The following GLRA3 variants were observed in gnomAD, a reference collection of about 807,000 sequenced individuals.
The protein encoded by GLRA3 is glycine receptor alpha 3, also known as glycine receptor subunit alpha-3.
GLRA3 carries 44 observed loss-of-function variants against 60.4 expected under a neutral mutation model. The observed-to-expected ratio is 0.73, with a 90% CI of 0.57 to 0.94. The LOEUF (loss-of-function observed/expected upper bound fraction) is 0.94, where lower values mean the gene tolerates loss of function less well. GLRA3 is among the 40% of genes least tolerant of loss of function. The pLI is 0.00. For synonymous variants in GLRA3, 223 were observed against 192.9 expected, an observed-to-expected ratio of 1.16 and a Z score of -1.29; for missense variants, 508 against 564.6, an observed-to-expected ratio of 0.90 and a Z score of 1.02.
At chr4:174,807,925 A>T (rs981926263) in intron 1 of GLRA3, among the ~76,000 whole-genome samples, 1 of 152,138 alleles carries the variant, frequency 6.6e-6, no homozygotes, top group Non-Finnish European at 1.5e-5. Context: ...CAAGAAATAG[A>T]CCAAGAATCC....
chr4:174,711,222 G>C (rs1735706876), intron 5 of GLRA3, among the ~76,000 whole-genome samples: 2 of 151,434 alleles, frequency 1.3e-5, no homozygotes, highest in Non-Finnish European at 2.9e-5. Flanking sequence ...TTCCTTGGTG[G>C]TGTATAACAT....
chr4:174,724,350 G>A (rs1052397089), intron 4 of GLRA3, among the ~76,000 whole-genome samples: 3 of 151,904 alleles, frequency 2.0e-5, no homozygotes, highest in African/African-American at 7.2e-5. Context: ...GGATAAATGA[G>A]TTTCATATTT....
At chr4:174,716,017 T>A (rs1319267110) in intron 4 of GLRA3, among the ~76,000 whole-genome samples, 1 of 152,214 alleles carries the variant, frequency 6.6e-6, no homozygotes, top group Admixed American at 6.5e-5. Flanking sequence ...AAAAGGTATC[T>A]TTCCTTGCAA....
chr4:174,667,903 C>T (rs1422215473), intron 7 of GLRA3, among the ~76,000 whole-genome samples: 1 of 151,822 alleles, frequency 6.6e-6, no homozygotes, highest in African/African-American at 2.4e-5. Context: ...GGATCTGTGC[C>T]CCCACCCAAA....
chr4:174,686,838 G>A (rs1449642148), intron 5 of GLRA3, among the ~76,000 whole-genome samples: 1 of 152,178 alleles, frequency 6.6e-6, no homozygotes, highest in East Asian at 1.9e-4. Flanking sequence ...AGCTTCATTT[G>A]TCTAGAGCCA....
intron 9 of GLRA3, among the ~76,000 whole-genome samples, chr4:174,644,447 T>C (rs1250187601): frequency 6.6e-6 from 1 of 151,872 alleles, no homozygotes; most frequent in African/African-American, 2.4e-5. Context: ...AAATGTGTGA[T>C]GTCGAAGGGG....
Position 174,643,032 on chromosome 4 carries a change from C to T in GLRA3, c.*754G>A. On this transcript the variant is annotated 3_prime_UTR_variant, in exon 10 of 10. Coordinates refer to ENST00000274093, the MANE Select transcript of GLRA3 (RefSeq NM_006529.4). ...TGAATTGTTCAATGTTTGGCAATAA[C>T]TAAAAATACATAGCTATAATACTTA... 1 of 950,852 alleles carries T rather than the reference C, an allele frequency of 1.1e-6. No homozygotes were observed. Among genetic ancestry groups the T allele is most frequent in the Non-Finnish European group, 1.3e-6 (1 of 799,090 alleles). The allele number at this position is 950,852 out of a possible 1,614,324, so 58.9% of individuals were successfully genotyped here.
chr4:174,702,760 G>T (rs1323931889), intron 5 of GLRA3, among the ~76,000 whole-genome samples: 3 of 152,086 alleles, frequency 2.0e-5, no homozygotes, highest in Non-Finnish European at 4.4e-5. Context: ...TAGATACATG[G>T]TCTCACTATG....
chr4:174,790,228 G>A (rs994999023), intron 1 of GLRA3, among the ~76,000 whole-genome samples: 18 of 151,992 alleles, frequency 1.2e-4, no homozygotes, highest in Admixed American at 1.0e-3. Flanking sequence ...TGTCATTCTC[G>A]CTTTCTTCCA....
chr4:174,677,102 T>G lies in GLRA3; in HGVS notation c.903A>C (p.Ser301=). Residue 301 remains serine (S), a synonymous_variant, in exon 7 of 10, where the codon TCA becomes TCC. Transcript: ENST00000274093. ...CTTTTGGCAAGGAAGCTCGTGATCCTGAACTCTGTGTAGTCATCGTTAGCA... is the reference window on the plus strand; with the variant it reads ...CTTTTGGCAAGGAAGCTCGTGATCCGGAACTCTGTGTAGTCATCGTTAGCA... ...TTVLTMTTQS[S]GSRASLPKVS... is the part of the protein sequence containing the mutation. The G allele has an allele frequency of 6.2e-7, 1 of 1,611,806 alleles. No individual in the cohort carries two copies. The highest frequency in any genetic ancestry group is 8.5e-7 in the Non-Finnish European group (1 of 1,177,960).
At chr4:174,662,325 G>A (rs1292592940) in intron 7 of GLRA3, among the ~76,000 whole-genome samples, 1 of 152,112 alleles carries the variant, frequency 6.6e-6, no homozygotes, top group Non-Finnish European at 1.5e-5. Context: ...CATTGGAAAT[G>A]GACAATTAGC....
chr4:174,758,582 G>C (rs1737816710), intron 3 of GLRA3, among the ~76,000 whole-genome samples: 1 of 152,004 alleles, frequency 6.6e-6, no homozygotes, highest in African/African-American at 2.4e-5. Context: ...TAACGGGACA[G>C]AAAAATAACA....
chr4:174,690,981 G>A (rs182873494), intron 5 of GLRA3, among the ~76,000 whole-genome samples: 4 of 152,246 alleles, frequency 2.6e-5, no homozygotes, highest in Non-Finnish European at 5.9e-5. Context: ...GTAAACATTC[G>A]TGTGCATGTG....
At chr4:174,779,318 C>T (rs1326379797) in intron 2 of GLRA3, among the ~76,000 whole-genome samples, 1 of 152,112 alleles carries the variant, frequency 6.6e-6, no homozygotes, top group African/African-American at 2.4e-5. Flanking sequence ...ATCTGTACAT[C>T]ACCATCATCA....
chr4:174,684,521 C>A (rs1376272547), intron 5 of GLRA3, among the ~76,000 whole-genome samples: 1 of 152,210 alleles, frequency 6.6e-6, no homozygotes, highest in Admixed American at 6.5e-5. Context: ...AGATTTTTAT[C>A]TTCTCCTTCC....
intron 9 of GLRA3, among the ~76,000 whole-genome samples, chr4:174,648,259 G>A (rs544637305): frequency 2.6e-5 from 4 of 152,222 alleles, no homozygotes; most frequent in South Asian, 2.1e-4. Flanking sequence ...TCAGGAATTC[G>A]AGACCAGCCT....
chr4:174,779,460 G>A (rs1474992959), intron 2 of GLRA3, among the ~76,000 whole-genome samples: 4 of 152,216 alleles, frequency 2.6e-5, no homozygotes, highest in South Asian at 2.1e-4. Flanking sequence ...AAAGCTGGAC[G>A]GAGAATGACT....
Position 174,699,819 on chromosome 4 carries a change from ATAATTTATTTGTTAATTAT to A in GLRA3, c.574+15650_574+15668del, listed in dbSNP as rs913100524. On this transcript the variant is annotated intron_variant, in intron 5 of 9. Transcript: ENST00000274093. ...TTGTTAATTATTTAATTAATAATTA[ATAATTTATTTGTTAATTAT>A]TAATTAATAATTAATGCATTAATTA... Among the ~76,000 whole-genome samples the A allele has an allele frequency of 2.0e-5, 3 of 150,270 alleles. No homozygotes were observed. The East Asian group carries it at 5.8e-4, about 29-fold the overall frequency.
Position 174,814,134 on chromosome 4 carries a change from G to A in GLRA3, c.71+14607C>T, listed in dbSNP as rs185059719. Among the ~76,000 whole-genome samples, 779 of 152,284 alleles carry A rather than the reference G, an allele frequency of 5.1e-3. 2 individuals carry two copies. The highest frequency in any genetic ancestry group is 8.5e-3 in the Non-Finnish European group (580 of 68,022). ...TGCTCTTTTAGCTTTGCTGTCCATG[G>A]CTGGCTTAAGTGTTTAACAGCTCAA... On this transcript the variant is annotated intron_variant, in intron 1 of 9. Coordinates refer to ENST00000274093, the MANE Select transcript of GLRA3 (RefSeq NM_006529.4).
Sources: gnomAD v4.1 joint callset for allele counts (sites outside exome capture counted in the v4.1 genomes callset) on GRCh38, gnomAD v4.1.1 for gene constraint, MANE v1.5 for transcripts, NCBI Gene and HGNC (gene_info 2026-07-23, HGNC 2026-07-21) for gene names.